The following CNTN5 variants were observed in gnomAD, a reference collection of about 807,000 sequenced individuals.
The protein encoded by CNTN5 is contactin 5, also known as contactin-5.
In CNTN5, 77 loss-of-function variants were observed where a neutral mutation model predicts 129.1. That is an observed-to-expected ratio of 0.60 (90% CI 0.50 to 0.72). The LOEUF (loss-of-function observed/expected upper bound fraction) is 0.72, where lower values mean the gene tolerates loss of function less well. CNTN5 is among the 30% of genes least tolerant of loss of function. CNTN5 has a pLI of 0.00. For synonymous variants in CNTN5, 509 were observed against 465.6 expected (o/e 1.09, Z -1.20); for missense variants, 1,478 against 1,328.8 (o/e 1.11, Z -1.75).
chr11:99,478,657 G>C (rs959997587), intron 2 of CNTN5, among the ~76,000 whole-genome samples: 1 of 151,420 alleles, frequency 6.6e-6, no homozygotes, highest in Non-Finnish European at 1.5e-5. Context: ...ATTTTTTTTT[G>C]AGATGGTTGT....
intron 1 of CNTN5, among the ~76,000 whole-genome samples, chr11:99,119,641 C>A (rs188837084): frequency 6.6e-6 from 1 of 152,010 alleles, no homozygotes; most frequent in Non-Finnish European, 1.5e-5. Flanking sequence ...ATATTCATTT[C>A]GGTATAAACG....
chr11:100,186,233 A>T (rs1948298493), intron 13 of CNTN5, among the ~76,000 whole-genome samples: 1 of 151,986 alleles, frequency 6.6e-6, no homozygotes, highest in East Asian at 1.9e-4. Flanking sequence ...TTAGCCAGGC[A>T]TGGTGGTGCA....
In CNTN5 at chr11:99,250,604, G is replaced by A. The variant is rs1591420795; in HGVS notation, c.-209-74742G>A. On this transcript the variant is annotated intron_variant, in intron 1 of 24. Coordinates refer to ENST00000524871, the MANE Select transcript of CNTN5 (RefSeq NM_014361.4). ...ATTTTTTTTCCACTTAAATTCTGAT[G>A]TACTTGTTTAAGATAGATTTTGTTC... 2.0e-5 allele frequency among the ~76,000 whole-genome samples: 3 copies of A among 151,842 alleles called. No homozygotes were observed. In the East Asian group the frequency reaches 5.8e-4, roughly 29 times the overall value.
At chr11:99,761,510 G>A (rs542973074) in intron 3 of CNTN5, among the ~76,000 whole-genome samples, 14 of 151,796 alleles carry the variant, frequency 9.2e-5, no homozygotes, top group African/African-American at 3.1e-4. Flanking sequence ...GTGAGAATAT[G>A]CGGTGTTTGG....
At chr11:99,593,334 G>C (rs550366898) in intron 3 of CNTN5, among the ~76,000 whole-genome samples, 1 of 152,190 alleles carries the variant, frequency 6.6e-6, no homozygotes, top group African/African-American at 2.4e-5. Context: ...GGCCAACAAG[G>C]CACATAAGAC....
chr11:99,186,093 G>T (rs939825971), intron 1 of CNTN5, among the ~76,000 whole-genome samples: 1 of 151,726 alleles, frequency 6.6e-6, no homozygotes, highest in African/African-American at 2.4e-5. Context: ...GGAGAAAATA[G>T]AAATTTTTCT....
chr11:99,777,522 C>G (rs757308858), intron 3 of CNTN5, among the ~76,000 whole-genome samples: 46 of 151,878 alleles, frequency 3.0e-4, no homozygotes, highest in Middle Eastern at 3.4e-3. Flanking sequence ...AACTTTTCCA[C>G]TATAAAAACT....
chr11:100,297,136 T>C (rs1951114221), intron 18 of CNTN5, among the ~76,000 whole-genome samples: 1 of 151,516 alleles, frequency 6.6e-6, no homozygotes, highest in African/African-American at 2.4e-5. Context: ...TTCATTTAAG[T>C]AGTTTCTCAC....
intron 3 of CNTN5, among the ~76,000 whole-genome samples, chr11:99,681,676 T>G (rs538948451): frequency 1.1e-4 from 16 of 152,196 alleles, no homozygotes; most frequent in African/African-American, 3.9e-4. Context: ...TACACTTCAT[T>G]GCAGTTGTCT....
chr11:99,285,815 A>G (rs746283874), intron 1 of CNTN5, among the ~76,000 whole-genome samples: 1 of 152,116 alleles, frequency 6.6e-6, no homozygotes, highest in African/African-American at 2.4e-5. Flanking sequence ...ATGCAGGCAG[A>G]TCACCTGAGT....
intron 3 of CNTN5, among the ~76,000 whole-genome samples, chr11:99,588,824 C>T (rs901501351): frequency 6.6e-6 from 1 of 152,152 alleles, no homozygotes; most frequent in Admixed American, 6.5e-5. Context: ...TGCAATATTC[C>T]TGCCTGCGTT....
chr11:99,076,834 G>A (rs1865597149), intron 1 of CNTN5, among the ~76,000 whole-genome samples: 1 of 152,122 alleles, frequency 6.6e-6, no homozygotes, highest in Non-Finnish European at 1.5e-5. Context: ...AAATCTGATG[G>A]AAACACATCA....
At chr11:99,902,260 A>G (rs1254698582) in intron 6 of CNTN5, among the ~76,000 whole-genome samples, 1 of 126,088 alleles carries the variant, frequency 7.9e-6, no homozygotes, top group African/African-American at 2.8e-5. Context: ...TTTTTTTTTT[A>G]ACATTTTTAA....
intron 2 of CNTN5, among the ~76,000 whole-genome samples, chr11:99,536,307 A>T (rs1947898416): frequency 6.6e-6 from 1 of 152,146 alleles, no homozygotes; most frequent in Non-Finnish European, 1.5e-5. Context: ...AATTTTAAAT[A>T]CTAAAGTTTC....
chr11:99,218,731 T>A (rs1015131889), intron 1 of CNTN5, among the ~76,000 whole-genome samples: 1 of 152,134 alleles, frequency 6.6e-6, no homozygotes, highest in African/African-American at 2.4e-5. Flanking sequence ...TTACAAGACC[T>A]GATAGAATAA....
intron 7 of CNTN5, among the ~76,000 whole-genome samples, chr11:99,929,239 A>T (rs543146850): frequency 6.6e-6 from 1 of 152,186 alleles, no homozygotes; most frequent in Non-Finnish European, 1.5e-5. Context: ...GGAGGTTCCA[A>T]ACTTTCCCCC....
intron 20 of CNTN5, among the ~76,000 whole-genome samples, chr11:100,300,547 T>C (rs549052728): frequency 4.0e-5 from 6 of 151,542 alleles, no homozygotes; most frequent in Non-Finnish European, 8.9e-5. Context: ...CATAATTAAT[T>C]ATTATATCCC....
chr11:99,166,350 A>G (rs10892833), intron 1 of CNTN5, among the ~76,000 whole-genome samples: 36,068 of 150,206 alleles, frequency 0.24, 4,474 homozygotes, highest in Middle Eastern at 0.27. Context: ...GCAGTGAGCC[A>G]AGATTGCGCC....
chr11:100,167,394 T>C (rs1947674596), intron 13 of CNTN5, among the ~76,000 whole-genome samples: 1 of 151,882 alleles, frequency 6.6e-6, no homozygotes, highest in Non-Finnish European at 1.5e-5. Context: ...TGAGATGTTT[T>C]CTTAAACATT....
Sources: allele counts gnomAD v4.1 joint callset (sites outside exome capture counted in the v4.1 genomes callset), GRCh38; gene constraint gnomAD v4.1.1; transcripts MANE v1.5; gene names NCBI Gene and HGNC (gene_info 2026-07-23, HGNC 2026-07-21).